Variants in COL21A1 observed in about 807,000 individuals in gnomAD.
The protein encoded by COL21A1 is collagen alpha-1(XXI) chain.
COL21A1 carries 149 observed loss-of-function variants against 137.9 expected under a neutral mutation model. That is an observed-to-expected ratio of 1.08 (90% CI 0.95 to 1.24). COL21A1 has a LOEUF of 1.24. COL21A1 is among the 50% of genes most tolerant of loss of function. The pLI is 0.00. For synonymous variants in COL21A1, 456 were observed against 391.5 expected (o/e 1.16, Z -1.95); for missense variants, 1,167 against 1,158.4 (o/e 1.01, Z -0.11).
chr6:56,205,216 C>T (rs978244883), intron 1 of COL21A1, among the ~76,000 whole-genome samples: 6 of 152,008 alleles, frequency 3.9e-5, no homozygotes, highest in Non-Finnish European at 8.8e-5. Context: ...TAACCCAAAG[C>T]AAGGAAGCTA....
At chr6:56,177,513 A>G (rs1178759748) in intron 3 of COL21A1, among the ~76,000 whole-genome samples, 1 of 152,098 alleles carries the variant, frequency 6.6e-6, no homozygotes, top group Non-Finnish European at 1.5e-5. Context: ...TCAAGTGCAG[A>G]CTGGGCGCGG....
intron 17 of COL21A1, among the ~76,000 whole-genome samples, chr6:56,101,209 T>C (rs1455500145): frequency 1.3e-5 from 2 of 152,150 alleles, no homozygotes; most frequent in Non-Finnish European, 2.9e-5. Context: ...GACCATGATG[T>C]TTGTGTTAAC....
intron 1 of COL21A1, among the ~76,000 whole-genome samples, chr6:56,203,747 G>A (rs1779561156): frequency 1.3e-5 from 2 of 152,194 alleles, no homozygotes; most frequent in Admixed American, 6.5e-5. Flanking sequence ...GGTGATTTCT[G>A]CATTTCCAAC....
intron 1 of COL21A1, among the ~76,000 whole-genome samples, chr6:56,209,767 C>T (rs993911958): frequency 6.6e-6 from 1 of 152,086 alleles, no homozygotes; most frequent in African/African-American, 2.4e-5. Context: ...CCCAGCAATC[C>T]CATTACTGGG....
chr6:56,246,201 C>G (rs1273174766), intron 1 of COL21A1, among the ~76,000 whole-genome samples: 1 of 152,190 alleles, frequency 6.6e-6, no homozygotes, highest in Non-Finnish European at 1.5e-5. Context: ...AAACCCTCAA[C>G]TACTTTAGGA....
chr6:56,363,489 G>T lies in COL21A1; in HGVS notation c.-39+30482C>A, dbSNP rs139222109. On this transcript the variant is annotated intron_variant, in intron 1 of 28. Transcript: ENST00000370819. ...CCAGGTCTTTGGACTCATTTAGGTG[G>T]TCCTGTTGTGCCACAGATCACTGTG... Among the ~76,000 whole-genome samples, 203 of 152,288 alleles carry T rather than the reference G, an allele frequency of 1.3e-3. 3 individuals carry two copies. Among genetic ancestry groups the T allele is most frequent in the Middle Eastern group, 6.8e-3 (2 of 294 alleles).
At chr6:56,205,103 G>T (rs968739162) in intron 1 of COL21A1, among the ~76,000 whole-genome samples, 2 of 152,124 alleles carry the variant, frequency 1.3e-5, no homozygotes, top group Non-Finnish European at 2.9e-5. Context: ...CAACTCGCTA[G>T]CAAGGGAACA....
intron 1 of COL21A1, among the ~76,000 whole-genome samples, chr6:56,377,877 C>G (rs527601558): frequency 1.3e-5 from 2 of 152,106 alleles, no homozygotes; most frequent in African/African-American, 4.8e-5. Context: ...TCCTGGATAC[C>G]GCCAGCCACA....
chr6:56,384,972 A>G (rs949935347), intron 1 of COL21A1, among the ~76,000 whole-genome samples: 4 of 152,236 alleles, frequency 2.6e-5, no homozygotes, highest in Non-Finnish European at 4.4e-5. Flanking sequence ...CCGAGATGCT[A>G]TGGAGCACTG....
chr6:56,174,804 T>C (rs537249787), intron 3 of COL21A1, among the ~76,000 whole-genome samples: 14 of 152,070 alleles, frequency 9.2e-5, no homozygotes, highest in Non-Finnish European at 2.1e-4. Context: ...AAACTATTTT[T>C]ATAAGGCCAG....
intron 18 of COL21A1, 104 bp downstream of exon 18, chr6:56,077,425 G>A: frequency 1.3e-6 from 1 of 766,736 alleles, no homozygotes; most frequent in South Asian, 1.8e-5. Context: ...TATAATATTT[G>A]AAAAATTAAC....
intron 1 of COL21A1, among the ~76,000 whole-genome samples, chr6:56,210,609 A>G (rs1780095851): frequency 6.6e-6 from 1 of 152,182 alleles, no homozygotes; most frequent in Non-Finnish European, 1.5e-5. Context: ...GATCTACCTT[A>G]ACATCATTAA....
intron 1 of COL21A1, among the ~76,000 whole-genome samples, chr6:56,309,915 G>A (rs1293044089): frequency 2.0e-5 from 3 of 152,182 alleles, no homozygotes; most frequent in Admixed American, 2.0e-4. Flanking sequence ...TGGATGCACT[G>A]ATTAATTATA....
At chr6:56,172,798 T>C (rs528466382) in intron 3 of COL21A1, among the ~76,000 whole-genome samples, 9 of 152,206 alleles carry the variant, frequency 5.9e-5, no homozygotes, top group African/African-American at 2.2e-4. Flanking sequence ...AGCAAAAATA[T>C]AGAATATTTA....
At chr6:56,151,305 CT>C (rs1482961982) in intron 10 of COL21A1, among the ~76,000 whole-genome samples, 2 of 152,124 alleles carry the variant, frequency 1.3e-5, no homozygotes, top group Non-Finnish European at 2.9e-5. Context: ...AAAATATAAA[CT>C]TCTATAAACT....
intron 1 of COL21A1, among the ~76,000 whole-genome samples, chr6:56,260,348 A>G (rs4715600): frequency 0.89 from 134,758 of 151,680 alleles, 59,999 homozygotes; most frequent in African/African-American, 0.93. Flanking sequence ...CTTTGGGAGC[A>G]GAGGCAGGTA....
At chr6:56,333,007 C>A (rs907314552) in intron 1 of COL21A1, among the ~76,000 whole-genome samples, 3 of 151,946 alleles carry the variant, frequency 2.0e-5, no homozygotes, top group African/African-American at 7.2e-5. Flanking sequence ...ATTTTCATTT[C>A]ATTAAATCTA....
upstream of COL21A1, among the ~76,000 whole-genome samples, chr6:56,250,033 C>G (rs1782818732): frequency 6.6e-6 from 1 of 152,176 alleles, no homozygotes; most frequent in Non-Finnish European, 1.5e-5. Context: ...TCATGGCTCT[C>G]TAGAGAACTA....
At chr6:56,229,599 T>A (rs1380412574) in intron 1 of COL21A1, among the ~76,000 whole-genome samples, 1 of 151,962 alleles carries the variant, frequency 6.6e-6, no homozygotes, top group Non-Finnish European at 1.5e-5. Context: ...GCTCATACTC[T>A]ACGTCCACTA....
Sources: gnomAD v4.1 joint callset for allele counts (sites outside exome capture counted in the v4.1 genomes callset) on GRCh38, gnomAD v4.1.1 for gene constraint, MANE v1.5 for transcripts, NCBI Gene and HGNC (gene_info 2026-07-23, HGNC 2026-07-21) for gene names.